Variants in BBX observed in about 807,000 individuals in gnomAD.
BBX encodes the protein HMG box transcription factor BBX.
In BBX, 30 loss-of-function variants were observed where a neutral mutation model predicts 100.2. The ratio of observed to expected loss-of-function variants is 0.30; its 90% CI spans 0.22 to 0.41. The LOEUF (loss-of-function observed/expected upper bound fraction) is 0.41. Ranked by LOEUF, BBX falls within the 10% of genes least tolerant of loss-of-function variation. BBX has a pLI of 1.00. For synonymous variants in BBX, 376 were observed against 388.1 expected (o/e 0.97, Z 0.37); for missense variants, 1,023 against 1,129.8 (o/e 0.91, Z 1.35).
chr3:107,652,123 G>A (rs139810316), intron 3 of BBX, among the ~76,000 whole-genome samples: 2 of 152,238 alleles, frequency 1.3e-5, no homozygotes, highest in African/African-American at 4.8e-5. Flanking sequence ...TCAGTTGATG[G>A]GTGCTTGGGA....
intron 5 of BBX, among the ~76,000 whole-genome samples, chr3:107,723,362 G>A (rs1042190573): frequency 6.6e-6 from 1 of 151,692 alleles, no homozygotes; most frequent in Non-Finnish European, 1.5e-5. Flanking sequence ...GCATTTTTTT[G>A]TAAATGATCT....
intron 3 of BBX, among the ~76,000 whole-genome samples, chr3:107,685,874 C>A (rs1262862541): frequency 6.6e-6 from 1 of 152,172 alleles, no homozygotes; most frequent in Non-Finnish European, 1.5e-5. Flanking sequence ...TAGCAAGGAA[C>A]CCTGAGAATT....
At chr3:107,600,515 A>G (rs1358019323) in intron 2 of BBX, among the ~76,000 whole-genome samples, 1 of 152,212 alleles carries the variant, frequency 6.6e-6, no homozygotes, top group African/African-American at 2.4e-5. Flanking sequence ...GGGAAATTAA[A>G]TTGTTTAAGT....
chr3:107,766,215 C>A (rs1328786160), intron 10 of BBX, among the ~76,000 whole-genome samples: 1 of 152,142 alleles, frequency 6.6e-6, no homozygotes, highest in Non-Finnish European at 1.5e-5. Flanking sequence ...CACATACAAT[C>A]TCAGTAAAAG....
In BBX at chr3:107,807,750, A is replaced by G. The variant is rs1047233306; in HGVS notation, c.*2293A>G. ...CAAAACAAAAGATTACTTTTTTTCT[A>G]TGTGATTAATATCTTACTTGATCTG... On this transcript the variant is annotated 3_prime_UTR_variant, in exon 18 of 18. Transcript: ENST00000325805. 2.0e-5 allele frequency: 3 copies of G among 149,244 alleles called. No homozygotes were observed. The highest frequency in any genetic ancestry group is 4.4e-5 in the Non-Finnish European group (3 of 67,436). The allele number at this position is 149,244 out of a possible 1,614,324, so 9.2% of individuals were successfully genotyped here. A position where few individuals can be genotyped will look rare whatever the true frequency, so the allele number is the denominator to read the frequency against.
chr3:107,811,119 G>C lies in BBX; in HGVS notation c.*5662G>C, dbSNP rs1559846024. On this transcript the variant is annotated 3_prime_UTR_variant, in exon 18 of 18. Coordinates refer to ENST00000325805, the MANE Select transcript of BBX (RefSeq NM_001142568.3). ...ATATTTCTAAAAATTGCACATGTAA[G>C]TCATGTGTATAACATGCTAAAGTAC... The C allele has an allele frequency of 6.6e-6, 1 of 152,090 alleles. No homozygotes were observed. The highest frequency in any genetic ancestry group is 2.1e-4 in the South Asian group (1 of 4,822). 9.4% of individuals were successfully genotyped at this position (152,090 alleles called of 1,614,324 possible). A position where few individuals can be genotyped will look rare whatever the true frequency, so the allele number is the denominator to read the frequency against.
chr3:107,655,915 T>C (rs1299001047), intron 3 of BBX, among the ~76,000 whole-genome samples: 1 of 152,068 alleles, frequency 6.6e-6, no homozygotes, highest in Non-Finnish European at 1.5e-5. Context: ...TTAGCCAGGA[T>C]GGTCTCGATC....
At position 107,606,239 on chromosome 3, in the gene BBX, A is replaced by G. The variant is rs770890624; in HGVS notation, c.-83-39597A>G. 1.7e-4 allele frequency among the ~76,000 whole-genome samples: 26 copies of G among 152,218 alleles called. No homozygotes were observed. In the South Asian group the frequency reaches 2.1e-3, roughly 12 times the overall value. ...TTCACAACAATGCTTATCCTAATATATGGTAAGACCCACGGTCAGCAGTGG... is the reference window on the plus strand; with the variant it reads ...TTCACAACAATGCTTATCCTAATATGTGGTAAGACCCACGGTCAGCAGTGG... On this transcript the variant is annotated intron_variant, in intron 2 of 17. Coordinates refer to ENST00000325805, the MANE Select transcript of BBX (RefSeq NM_001142568.3).
intron 2 of BBX, among the ~76,000 whole-genome samples, chr3:107,530,564 C>G (rs1286376870): frequency 1.3e-5 from 2 of 152,028 alleles, no homozygotes; most frequent in Non-Finnish European, 2.9e-5. Flanking sequence ...AAAACAAACT[C>G]CTGGAACAGA....
At chr3:107,772,555 G>A (rs1414269692) in intron 10 of BBX, 73 bp from the exon 11 acceptor site, 3 of 1,430,734 alleles carry the variant, frequency 2.1e-6, no homozygotes, top group Admixed American at 2.5e-5. Flanking sequence ...AGATATAATT[G>A]AAAACTTTAA....
chr3:107,699,646 G>A (rs2060901111), intron 3 of BBX, among the ~76,000 whole-genome samples: 1 of 151,870 alleles, frequency 6.6e-6, no homozygotes, highest in Admixed American at 6.5e-5. Flanking sequence ...GAGATTAGAT[G>A]TCAGGGTGAA....
At chr3:107,639,628 A>G (rs1387828651) in intron 2 of BBX, among the ~76,000 whole-genome samples, 1 of 152,186 alleles carries the variant, frequency 6.6e-6, no homozygotes, top group East Asian at 1.9e-4. Context: ...GGAGTTTAAA[A>G]GAGGCATCTG....
At chr3:107,797,016 C>G (rs1370930966) in intron 15 of BBX, among the ~76,000 whole-genome samples, 3 of 152,028 alleles carry the variant, frequency 2.0e-5, no homozygotes, top group African/African-American at 7.2e-5. Flanking sequence ...GGCCAAACCA[C>G]AAATGATGGT....
intron 2 of BBX, among the ~76,000 whole-genome samples, chr3:107,538,766 CTAATCA>C (rs753916057): frequency 6.6e-6 from 1 of 151,746 alleles, no homozygotes; most frequent in African/African-American, 2.4e-5. Context: ...GAACACAGTA[CTAATCA>C]TTGTGTGAAG....
At chr3:107,539,122 T>C (rs2048701579) in intron 2 of BBX, among the ~76,000 whole-genome samples, 1 of 152,134 alleles carries the variant, frequency 6.6e-6, no homozygotes, top group African/African-American at 2.4e-5. Context: ...TAATGTTGCT[T>C]TATCATAATA....
chr3:107,598,172 T>G (rs576022653), intron 2 of BBX, among the ~76,000 whole-genome samples: 2 of 152,342 alleles, frequency 1.3e-5, no homozygotes, highest in South Asian at 4.1e-4. Flanking sequence ...GCATCTTAAT[T>G]TTTTAATAAG....
At chr3:107,743,905 CTTT>C (rs1296304178) in intron 7 of BBX, among the ~76,000 whole-genome samples, 54 of 21,272 alleles carry the variant, frequency 2.5e-3, no homozygotes, top group Non-Finnish European at 5.1e-3. Flanking sequence ...GATTTTTCTT[CTTT>C]GTTTTAGTGG....
intron 8 of BBX, among the ~76,000 whole-genome samples, chr3:107,747,179 A>G (rs2064687124): frequency 6.6e-6 from 1 of 152,094 alleles, no homozygotes; most frequent in Non-Finnish European, 1.5e-5. Context: ...TAGTTGAATC[A>G]AGTGTAGGGT....
At chr3:107,757,498 T>G (rs900490611) in intron 10 of BBX, among the ~76,000 whole-genome samples, 8 of 152,182 alleles carry the variant, frequency 5.3e-5, no homozygotes, top group African/African-American at 1.9e-4. Context: ...ACTGAGTTTC[T>G]TATGACATTT....
Sources: allele counts gnomAD v4.1 joint callset (sites outside exome capture counted in the v4.1 genomes callset), GRCh38; gene constraint gnomAD v4.1.1; transcripts MANE v1.5; gene names NCBI Gene and HGNC (gene_info 2026-07-23, HGNC 2026-07-21).